MACF1: variants seen among roughly 807,000 people sequenced by gnomAD.
The protein encoded by MACF1 is microtubule-actin cross-linking factor 1.
Under a neutral mutation model 854.8 loss-of-function variants are expected in MACF1, and 193 were observed. The observed-to-expected ratio is 0.23, with a 90% CI of 0.20 to 0.25. The LOEUF (loss-of-function observed/expected upper bound fraction) is 0.25, where lower values mean the gene tolerates loss of function less well. Among genes scored for constraint, MACF1 ranks in the 10% least tolerant of loss-of-function variants. The probability of loss-of-function intolerance (pLI) is 1.00; values close to 1 mark genes in which losing one functional copy is unlikely to be tolerated. For synonymous variants in MACF1, 3,185 were observed against 3,226.7 expected (o/e 0.99, Z 0.44); for missense variants, 7,722 against 8,929.1 (o/e 0.86, Z 5.45).
intron 2 of MACF1, among the ~76,000 whole-genome samples, chr1:39,093,800 T>C (rs1253189515): frequency 6.7e-6 from 1 of 148,998 alleles, no homozygotes; most frequent in Non-Finnish European, 1.5e-5. Flanking sequence ...TTCTTTTCTT[T>C]TTTTTGAGAC....
intron 97 of MACF1, among the ~76,000 whole-genome samples, chr1:39,474,121 G>C (rs1292564804): frequency 6.6e-6 from 1 of 152,164 alleles, no homozygotes; most frequent in African/African-American, 2.4e-5. Flanking sequence ...GGGTGCAGCA[G>C]CTCATGCCTG....
chr1:39,291,035 G>A (rs954133128), intron 15 of MACF1, among the ~76,000 whole-genome samples: 2 of 151,798 alleles, frequency 1.3e-5, no homozygotes, highest in South Asian at 4.2e-4. Flanking sequence ...GCAGTGGCGT[G>A]ATCTCCAGTC....
At chr1:39,219,038 C>T (rs1340498747) in intron 1 of MACF1, among the ~76,000 whole-genome samples, 3 of 152,186 alleles carry the variant, frequency 2.0e-5, no homozygotes, top group African/African-American at 7.2e-5. Flanking sequence ...ATCTCAGCCT[C>T]CCAAAGTGCT....
rs536961754 is a variant in MACF1 at position 39,356,812 on chromosome 1, A to G, written c.11425-563A>G. ...GCAGTTCTGTTCGTTAACAAACTGC[A>G]TGACCTTAGTCAAGATATATAACGT... On this transcript the variant is annotated intron_variant, in intron 44 of 100. Coordinates refer to ENST00000564288, the MANE Select transcript of MACF1 (RefSeq NM_001394062.1). Among the ~76,000 whole-genome samples the G allele has an allele frequency of 2.6e-5, 4 of 152,366 alleles. No individual in the cohort carries two copies. In the South Asian group the frequency reaches 8.3e-4, roughly 32 times the overall value.
At chr1:39,300,115 T>A (rs770530806) in intron 21 of MACF1, 95 bp from the exon 22 acceptor site, 23 of 1,244,862 alleles carry the variant, frequency 1.8e-5, no homozygotes, top group Non-Finnish European at 2.5e-5. Context: ...AGAGATGACA[T>A]TCTCTGAGGG....
chr1:39,086,212 T>C (rs1641670664), intron 2 of MACF1, among the ~76,000 whole-genome samples: 1 of 152,192 alleles, frequency 6.6e-6, no homozygotes, highest in Non-Finnish European at 1.5e-5. Flanking sequence ...GAGGATATTA[T>C]GTGATGTGAC....
intron 65 of MACF1, 108 bp from the exon 66 acceptor site, chr1:39,430,594 T>A: frequency 1.2e-6 from 1 of 809,274 alleles, no homozygotes. Context: ...AGGAAGGAGG[T>A]CAGAGTCCTG....
intron 99 of MACF1, among the ~76,000 whole-genome samples, chr1:39,483,636 G>A (rs1038410159): frequency 2.0e-5 from 3 of 152,186 alleles, no homozygotes; most frequent in Non-Finnish European, 4.4e-5. Context: ...TTTCCCAAGA[G>A]AGAAGCAAAG....
chr1:39,196,990 G>A (rs1447896985), intron 2 of MACF1, among the ~76,000 whole-genome samples: 6 of 152,102 alleles, frequency 3.9e-5, no homozygotes, highest in African/African-American at 1.2e-4. Context: ...GGCCCTGCCC[G>A]TTGGCTGTTA....
intron 15 of MACF1, 116 bp downstream of exon 15, chr1:39,287,678 T>C (rs1645671401): frequency 2.5e-6 from 3 of 1,178,454 alleles, no homozygotes; most frequent in Non-Finnish European, 3.6e-6. Flanking sequence ...ATTATTATTA[T>C]TCTTTTATTT....
chr1:39,300,406 A>G (rs1646014769), intron 22 of MACF1, 44 bp downstream of exon 22: 1 of 1,572,806 alleles, frequency 6.4e-7, no homozygotes, highest in South Asian at 1.2e-5. Context: ...GGGGGAAGGA[A>G]GAAAGAAGGG....
intron 51 of MACF1, among the ~76,000 whole-genome samples, chr1:39,370,979 T>C (rs1261972751): frequency 2.6e-5 from 4 of 152,162 alleles, no homozygotes; most frequent in Admixed American, 2.6e-4. Flanking sequence ...ATGTAAAATA[T>C]TCTGTGAGTA....
chr1:39,268,736 G>T lies in MACF1; in HGVS notation c.528+10708G>T, dbSNP rs572489406. ...TGGGCTGTTTTAAGGAGCCGAAAGA[G>T]TCAATAGCTATTCCTGAGAAGGCTC... On this transcript the variant is annotated intron_variant, in intron 6 of 100. Transcript: ENST00000564288. 4 of 1,288,098 alleles carry T rather than the reference G, an allele frequency of 3.1e-6. No individual in the cohort carries two copies. In the South Asian group the frequency reaches 5.0e-5, roughly 16 times the overall value. The allele number at this position is 1,288,098 out of a possible 1,614,324, so 79.8% of individuals were successfully genotyped here.
chr1:39,350,254 C>T (rs1419131337), intron 42 of MACF1, among the ~76,000 whole-genome samples: 2 of 152,100 alleles, frequency 1.3e-5, no homozygotes, highest in Non-Finnish European at 2.9e-5. Flanking sequence ...ACATACCAGG[C>T]AGAGGCTTAT....
chr1:39,468,040 C>T (rs971878816), intron 95 of MACF1: 2 of 152,166 alleles, frequency 1.3e-5, no homozygotes, highest in African/African-American at 4.8e-5. Flanking sequence ...GTTTTCCTAC[C>T]TCTCCTTTTG....
chr1:39,375,033 C>T (rs1649590117), intron 52 of MACF1, among the ~76,000 whole-genome samples: 1 of 151,632 alleles, frequency 6.6e-6, no homozygotes, highest in African/African-American at 2.4e-5. Flanking sequence ...TGGCATGAAC[C>T]CGGGAGGCAG....
rs373082989 is a variant in MACF1, at chr1:39,459,124, A to T, written c.21235A>T (p.Ile7079Phe). 1 of 1,614,010 alleles carries T rather than the reference A, an allele frequency of 6.2e-7. No individual in the cohort carries two copies. Among genetic ancestry groups the T allele is most frequent in the African/African-American group, 1.3e-5 (1 of 75,004 alleles). ...LSQPTPPPMP[I>F]LSQSEAKNPR... is the part of the protein sequence containing the mutation. Reference sequence around the variant, plus strand: ...TCAGCCAACCCCTCCTCCCATGCCAATCCTTTCACAGTCTGAAGCAAAAAA... The same window carrying T: ...TCAGCCAACCCCTCCTCCCATGCCATTCCTTTCACAGTCTGAAGCAAAAAA... The change falls in exon 91 of 101, where the codon ATC becomes TTC. Residue 7079 changes from isoleucine to phenylalanine, a missense_variant. Ile to Phe is a conservative substitution (Grantham distance 21). Coordinates refer to ENST00000564288, the MANE Select transcript of MACF1 (RefSeq NM_001394062.1).
At chr1:39,179,850 A>G (rs1644081712) in intron 2 of MACF1, among the ~76,000 whole-genome samples, 1 of 151,990 alleles carries the variant, frequency 6.6e-6, no homozygotes, top group Non-Finnish European at 1.5e-5. Flanking sequence ...CCCCGTCTCT[A>G]CTAAAAATAC....
At chr1:39,393,937 C>T (rs572395635) in intron 58 of MACF1, among the ~76,000 whole-genome samples, 2 of 152,038 alleles carry the variant, frequency 1.3e-5, no homozygotes, top group African/African-American at 2.4e-5. Flanking sequence ...AACGAACGAA[C>T]GAACAATGGG....
Sources: allele counts gnomAD v4.1 joint callset (sites outside exome capture counted in the v4.1 genomes callset), GRCh38; gene constraint gnomAD v4.1.1; transcripts MANE v1.5; gene names NCBI Gene and HGNC (gene_info 2026-07-23, HGNC 2026-07-21).